GLIS1: variants seen among roughly 807,000 people sequenced by gnomAD.
GLIS1 encodes the protein zinc finger protein GLIS1.
In GLIS1, 24 loss-of-function variants were observed where a neutral mutation model predicts 63.8. That is an observed-to-expected ratio of 0.38 (90% CI 0.27 to 0.53). GLIS1 has a LOEUF of 0.53. Ranked by LOEUF, GLIS1 falls within the 20% of genes least tolerant of loss-of-function variation. The pLI, the probability that GLIS1 is intolerant of heterozygous loss-of-function variation, is 0.85. For synonymous variants in GLIS1, 450 were observed against 482.5 expected (o/e 0.93, Z 0.88); for missense variants, 1,036 against 1,074.1 (o/e 0.96, Z 0.50).
At chr1:53,591,261 C>G (rs1192081047) in intron 4 of GLIS1, among the ~76,000 whole-genome samples, 1 of 152,188 alleles carries the variant, frequency 6.6e-6, no homozygotes, top group Non-Finnish European at 1.5e-5. Context: ...GGGTTACCCA[C>G]TGTGCCAGCA....
At chr1:53,572,258 C>G (rs1358842732) in intron 4 of GLIS1, among the ~76,000 whole-genome samples, 1 of 152,252 alleles carries the variant, frequency 6.6e-6, no homozygotes, top group East Asian at 1.9e-4. Flanking sequence ...CTCTAAGCTT[C>G]CATTTATTTC....
Position 53,632,717 on chromosome 1 carries a change from CTG to C in GLIS1, c.260-32441_260-32440del, listed in dbSNP as rs569916050. On this transcript the variant is annotated intron_variant, in intron 2 of 10. Coordinates refer to ENST00000628545, the MANE Select transcript of GLIS1 (RefSeq NM_001367484.1). ...GACTGAGGGGTGTGAATGAGTGTGA[CTG>C]AGGGGCATGTATATGTGTGACCGAG... is the stretch of plus-strand genomic sequence containing the variant. Among the ~76,000 whole-genome samples the C allele has an allele frequency of 4.3e-3, 584 of 137,352 alleles. 2 individuals are homozygous for C. The highest frequency in any genetic ancestry group is 6.5e-3 in the Non-Finnish European group (421 of 64,446). The allele number at this position is 137,352 out of a possible 152,430, so 90.1% of individuals were successfully genotyped here. A position where few individuals can be genotyped will look rare whatever the true frequency, so the allele number is the denominator to read the frequency against.
At chr1:53,586,274 A>G (rs72675198) in intron 4 of GLIS1, among the ~76,000 whole-genome samples, 1,947 of 151,024 alleles carry the variant, frequency 0.013, 14 homozygotes, top group Non-Finnish European at 0.022. Flanking sequence ...AAGAAAGGAC[A>G]TTGGCATCTG....
intron 2 of GLIS1, among the ~76,000 whole-genome samples, chr1:53,637,213 C>T (rs1645735020): frequency 8.3e-6 from 1 of 120,986 alleles, no homozygotes; most frequent in African/African-American, 2.5e-5. Flanking sequence ...CAGCCAGAGC[C>T]CCACAGGGGT....
At chr1:53,703,142 G>A (rs182993935) in intron 2 of GLIS1, among the ~76,000 whole-genome samples, 9 of 152,326 alleles carry the variant, frequency 5.9e-5, no homozygotes, top group East Asian at 3.9e-4. Flanking sequence ...GGAAGCCGAC[G>A]TTTACTGCAT....
chr1:53,675,905 T>C (rs1570030319), intron 2 of GLIS1, among the ~76,000 whole-genome samples: 1 of 106,154 alleles, frequency 9.4e-6, no homozygotes, highest in African/African-American at 3.8e-5. Flanking sequence ...TCCCACCTCC[T>C]CTCCCTACCT....
chr1:53,573,847 G>T (rs1569851257), intron 4 of GLIS1, among the ~76,000 whole-genome samples: 1 of 152,196 alleles, frequency 6.6e-6, no homozygotes. Flanking sequence ...GAGTGGCTCC[G>T]GCTAATGCTG....
Position 53,738,045 on chromosome 1 carries a change from T to A in GLIS1, c.20A>T (p.Glu7Val). Residue 7 changes from glutamate (E) to valine (V), a missense_variant, in exon 2 of 11, where the codon GAG becomes GTG. This residue lies in a region of GLIS1 where 592 missense variants were observed against 593.9 expected (regional missense o/e 1.00). Transcript: ENST00000628545. Reference protein sequence around the residue: MHCEVAEAHSDKRPKEA... With the variant: MHCEVAVAHSDKRPKEA... ...CTTAGGCCTCTTGTCCGAGTGTGCC[T>A]CAGCCACCTCGCAATGCATGGCGCC... 1 of 1,230,552 alleles carries A rather than the reference T, an allele frequency of 8.1e-7. No individual in the cohort carries two copies. Among genetic ancestry groups the A allele is most frequent in the Non-Finnish European group, 1.0e-6 (1 of 987,194 alleles). 76.2% of individuals were successfully genotyped at this position (1,230,552 alleles called of 1,614,324 possible). A position where few individuals can be genotyped will look rare whatever the true frequency, so the allele number is the denominator to read the frequency against.
At chr1:53,673,401 G>A (rs1428500267) in intron 2 of GLIS1, among the ~76,000 whole-genome samples, 2 of 152,216 alleles carry the variant, frequency 1.3e-5, no homozygotes, top group South Asian at 2.1e-4. Context: ...AACCAAAAGG[G>A]CTTTACAGAA....
chr1:53,624,432 C>A (rs1403862025), intron 2 of GLIS1, among the ~76,000 whole-genome samples: 3 of 152,100 alleles, frequency 2.0e-5, no homozygotes, highest in Non-Finnish European at 4.4e-5. Flanking sequence ...AACCATAAAA[C>A]TTCCAGAAAA....
At chr1:53,658,254 C>T (rs561306182) in intron 2 of GLIS1, among the ~76,000 whole-genome samples, 1 of 152,300 alleles carries the variant, frequency 6.6e-6, no homozygotes, top group East Asian at 1.9e-4. Context: ...CCCTTTTAGC[C>T]TTCACCATCC....
intron 4 of GLIS1, 99 bp from the exon 5 acceptor site, chr1:53,530,051 C>G: frequency 9.3e-7 from 1 of 1,077,040 alleles, no homozygotes; most frequent in Non-Finnish European, 1.3e-6. Context: ...AGCACCCCTG[C>G]CCCTCCCATC....
At chr1:53,530,860 C>T (rs555053605) in intron 4 of GLIS1, among the ~76,000 whole-genome samples, 1 of 152,366 alleles carries the variant, frequency 6.6e-6, no homozygotes, top group Non-Finnish European at 1.5e-5. Context: ...GACTTCTCCC[C>T]ATCTGTCCCT....
At chr1:53,678,869 A>G (rs1294420717) in intron 2 of GLIS1, among the ~76,000 whole-genome samples, 5 of 152,236 alleles carry the variant, frequency 3.3e-5, no homozygotes, top group African/African-American at 1.2e-4. Flanking sequence ...TCCCAGCCAG[A>G]GAATCTGCCT....
intron 3 of GLIS1, among the ~76,000 whole-genome samples, chr1:53,599,049 T>C (rs755040939): frequency 6.6e-6 from 1 of 152,150 alleles, no homozygotes; most frequent in Non-Finnish European, 1.5e-5. Flanking sequence ...ATCTCTGGTC[T>C]GTGAAGCAGG....
chr1:53,733,799 TC>T (rs762825069), intron 2 of GLIS1: 11 of 554,578 alleles, frequency 2.0e-5, no homozygotes, highest in Non-Finnish European at 2.3e-5. Flanking sequence ...AAAATTTGGA[TC>T]TGATTATTTC....
chr1:53,671,402 G>A (rs577363108), intron 2 of GLIS1, among the ~76,000 whole-genome samples: 1 of 152,262 alleles, frequency 6.6e-6, no homozygotes, highest in African/African-American at 2.4e-5. Flanking sequence ...CACCAGGCTC[G>A]GCTCCTGGCA....
At chr1:53,589,764 G>A (rs1261551081) in intron 4 of GLIS1, among the ~76,000 whole-genome samples, 1 of 152,158 alleles carries the variant, frequency 6.6e-6, no homozygotes, top group Non-Finnish European at 1.5e-5. Flanking sequence ...GGGAGGACAC[G>A]CATGGGCCTC....
intron 2 of GLIS1, among the ~76,000 whole-genome samples, chr1:53,620,775 G>A (rs1448611668): frequency 6.6e-6 from 1 of 152,236 alleles, no homozygotes; most frequent in African/African-American, 2.4e-5. Flanking sequence ...GGTGGAGGCA[G>A]CCGATGGAGG....
Sources: gnomAD v4.1 joint callset for allele counts (sites outside exome capture counted in the v4.1 genomes callset) on GRCh38, gnomAD v4.1.1 for gene constraint, gnomAD v4.1.1 regional missense constraint, MANE v1.5 for transcripts, NCBI Gene and HGNC (gene_info 2026-07-23, HGNC 2026-07-21) for gene names.